The following SLC4A4 variants were observed in gnomAD, a reference collection of about 807,000 sequenced individuals.
SLC4A4 encodes the protein electrogenic sodium bicarbonate cotransporter 1.
A neutral mutation model predicts 111.5 loss-of-function variants in SLC4A4; 27 were observed. The observed-to-expected ratio is 0.24, with a 90% CI of 0.18 to 0.33. SLC4A4 has a LOEUF of 0.33. Ranked by LOEUF, SLC4A4 falls within the 10% of genes least tolerant of loss-of-function variation. The probability of loss-of-function intolerance (pLI) is 1.00; values close to 1 mark genes in which losing one functional copy is unlikely to be tolerated. For synonymous variants in SLC4A4, 443 were observed against 463.4 expected (o/e 0.96, Z 0.57); for missense variants, 909 against 1,315.5 (o/e 0.69, Z 4.78).
At chr4:71,302,067 G>C (rs1336353911) in intron 3 of SLC4A4, among the ~76,000 whole-genome samples, 1 of 152,186 alleles carries the variant, frequency 6.6e-6, no homozygotes, top group East Asian at 1.9e-4. Context: ...AGATAGGAAG[G>C]GCATTGATAA....
At chr4:71,545,933 A>G (rs554083012) in intron 18 of SLC4A4, among the ~76,000 whole-genome samples, 7 of 152,204 alleles carry the variant, frequency 4.6e-5, no homozygotes, top group African/African-American at 1.4e-4. Flanking sequence ...TTAAGCACCT[A>G]TGACATTAAC....
chr4:71,321,898 A>G (rs1356054728), intron 3 of SLC4A4, among the ~76,000 whole-genome samples: 2 of 151,992 alleles, frequency 1.3e-5, no homozygotes, highest in Admixed American at 1.3e-4. Flanking sequence ...GAACAGTGAA[A>G]CTATAGATGT....
intron 2 of SLC4A4, among the ~76,000 whole-genome samples, chr4:71,144,471 C>T (rs1744105913): frequency 6.6e-6 from 1 of 151,962 alleles, no homozygotes; most frequent in African/African-American, 2.4e-5. Context: ...TAGTTTTTTC[C>T]AATTCTGTGA....
intron 3 of SLC4A4, among the ~76,000 whole-genome samples, chr4:71,280,630 T>G (rs1326767739): frequency 6.6e-6 from 1 of 152,194 alleles, no homozygotes; most frequent in Non-Finnish European, 1.5e-5. Context: ...GTACATTCTC[T>G]TAAAGTGTCT....
rs1719950290 is a variant in SLC4A4 at position 71,397,652 on chromosome 4, A to G, written c.806A>G (p.Gln269Arg). The part of the protein sequence containing the change: ...NDISDKPEKD[Q>R]LKNKFMKKLP... ...ATTTCTGATAAACCGGAGAAGGACC[A>G]GGTAAGCAAAAAATTCTTGCTTCTT... The change falls in exon 7 of 26, where the codon CAG becomes CGG. Residue 269 changes from glutamine to arginine, a missense_variant and splice_region_variant. Coordinates refer to ENST00000264485, the MANE Select transcript of SLC4A4 (RefSeq NM_001098484.3). 1 of 1,613,534 alleles carries G rather than the reference A, an allele frequency of 6.2e-7. No individual in the cohort carries two copies. The highest frequency in any genetic ancestry group is 1.1e-5 in the South Asian group (1 of 91,080).
chr4:71,379,216 A>G (rs1477417733), intron 6 of SLC4A4, among the ~76,000 whole-genome samples: 1 of 152,170 alleles, frequency 6.6e-6, no homozygotes, highest in East Asian at 1.9e-4. Context: ...ACTCAGGTTC[A>G]TGTTCCCTAG....
chr4:71,142,634 C>T (rs1001272987), intron 2 of SLC4A4, among the ~76,000 whole-genome samples: 9 of 152,092 alleles, frequency 5.9e-5, no homozygotes, highest in Admixed American at 3.9e-4. Context: ...GGAAATTCAC[C>T]AACCTGAGTC....
At chr4:71,537,014 A>G (rs1385917636) in intron 18 of SLC4A4, among the ~76,000 whole-genome samples, 2 of 151,624 alleles carry the variant, frequency 1.3e-5, no homozygotes, top group East Asian at 3.9e-4. Context: ...ACATATACAT[A>G]TCCTTTCTTA....
intron 2 of SLC4A4, among the ~76,000 whole-genome samples, chr4:71,127,339 C>T (rs975317185): frequency 1.3e-5 from 2 of 152,202 alleles, no homozygotes; most frequent in Non-Finnish European, 2.9e-5. Flanking sequence ...CAAACAGCTA[C>T]ACATACTATA....
intron 1 of SLC4A4, chr4:71,236,339 CCTGT>C (rs759261947): frequency 4.8e-4 from 451 of 945,532 alleles, no homozygotes; most frequent in Admixed American, 9.0e-4. Flanking sequence ...TTTTCTCTTA[CCTGT>C]CTATGTGGGT....
chr4:71,463,637 A>T (rs539615972), intron 12 of SLC4A4, among the ~76,000 whole-genome samples: 11 of 152,170 alleles, frequency 7.2e-5, no homozygotes, highest in Non-Finnish European at 1.5e-4. Context: ...TCCATAAATC[A>T]AAGTGGTTTT....
intron 1 of SLC4A4, among the ~76,000 whole-genome samples, chr4:71,069,749 C>G (rs1741618333): frequency 1.3e-5 from 2 of 152,200 alleles, no homozygotes; most frequent in African/African-American, 4.8e-5. Flanking sequence ...TCTACTCTTT[C>G]TCTGGACAGT....
At chr4:71,106,962 C>A (rs1313928418) in intron 2 of SLC4A4, among the ~76,000 whole-genome samples, 1 of 148,336 alleles carries the variant, frequency 6.7e-6, no homozygotes. Flanking sequence ...AAAAAAAAGT[C>A]TGTAAAGAGA....
At chr4:71,373,944 A>T (rs1372069518) in intron 6 of SLC4A4, among the ~76,000 whole-genome samples, 1 of 152,194 alleles carries the variant, frequency 6.6e-6, no homozygotes, top group Non-Finnish European at 1.5e-5. Context: ...TCATGGGCAC[A>T]GGTGCTGGGT....
rs183796562 is a variant in SLC4A4 at position 71,153,083 on chromosome 4, C to G, written c.-2+60291C>G. On this transcript the variant is annotated intron_variant, in intron 2 of 26. Transcript: ENST00000649996. Reference sequence around the variant, plus strand: ...TAAAAGGAAGTTTATTAAGTATTAACTCACATGATCACATGGTCCTGCAAT... The same window carrying G: ...TAAAAGGAAGTTTATTAAGTATTAAGTCACATGATCACATGGTCCTGCAAT... Among the ~76,000 whole-genome samples, 41 of 148,562 alleles carry G rather than the reference C, an allele frequency of 2.8e-4. 1 individual carries two copies. Among genetic ancestry groups the G allele is most frequent in the Non-Finnish European group, 4.8e-4 (32 of 67,038 alleles).
intron 2 of SLC4A4, among the ~76,000 whole-genome samples, chr4:71,109,410 C>T (rs1340519224): frequency 1.3e-5 from 2 of 148,354 alleles, no homozygotes; most frequent in African/African-American, 5.0e-5. Flanking sequence ...GAGAGGCTTG[C>T]AACAATGGAG....
At chr4:71,145,544 C>A (rs1474060550) in intron 2 of SLC4A4, among the ~76,000 whole-genome samples, 2 of 152,100 alleles carry the variant, frequency 1.3e-5, no homozygotes, top group African/African-American at 4.8e-5. Context: ...CCTTGTACCT[C>A]TGGTAGAATT....
At chr4:71,286,028 G>A (rs1723887196) in intron 3 of SLC4A4, among the ~76,000 whole-genome samples, 3 of 152,162 alleles carry the variant, frequency 2.0e-5, no homozygotes, top group East Asian at 1.9e-4. Context: ...CACGAGGTCA[G>A]AAGATCGAGA....
chr4:71,077,485 G>A (rs912195206), intron 1 of SLC4A4, among the ~76,000 whole-genome samples: 8 of 152,008 alleles, frequency 5.3e-5, no homozygotes, highest in Admixed American at 1.3e-4. Context: ...TTTAATATTG[G>A]TTTCTATCTC....
Sources: allele counts gnomAD v4.1 joint callset (sites outside exome capture counted in the v4.1 genomes callset), GRCh38; gene constraint gnomAD v4.1.1; transcripts MANE v1.5; gene names NCBI Gene and HGNC (gene_info 2026-07-23, HGNC 2026-07-21).